NUBPL: variants seen among roughly 807,000 people sequenced by gnomAD.
The protein encoded by NUBPL is NUBP iron-sulfur cluster assembly factor, mitochondrial, also known as iron-sulfur cluster transfer protein NUBPL.
Under a neutral mutation model 45.7 loss-of-function variants are expected in NUBPL, and 31 were observed. The ratio of observed to expected loss-of-function variants is 0.68; its 90% CI spans 0.51 to 0.92. The LOEUF (loss-of-function observed/expected upper bound fraction) is 0.92, where lower values mean the gene tolerates loss of function less well. NUBPL is among the 40% of genes least tolerant of loss of function. The pLI, the probability that NUBPL is intolerant of heterozygous loss-of-function variation, is 0.00. For missense variants in NUBPL, 401 were observed against 398.7 expected (o/e 1.01, Z -0.05); for synonymous variants, 144 against 140.9 (o/e 1.02, Z -0.15).
At position 31,593,108 on chromosome 14, in the gene NUBPL, A is replaced by G. The variant is rs146102282; in HGVS notation, c.292-6181A>G. Among the ~76,000 whole-genome samples the G allele has an allele frequency of 2.2e-3, 329 of 152,332 alleles. 1 individual carries two copies. The highest frequency in any genetic ancestry group is 7.6e-3 in the African/African-American group (314 of 41,570). ...CAAATAAAAATACAGTATAATAACA[A>G]TTTACATAAAATTTATATTATATTT... On this transcript the variant is annotated intron_variant, in intron 3 of 10. Coordinates refer to ENST00000281081, the MANE Select transcript of NUBPL (RefSeq NM_025152.3).
chr14:31,824,191 C>T (rs1394255259), intron 7 of NUBPL, among the ~76,000 whole-genome samples: 2 of 151,956 alleles, frequency 1.3e-5, no homozygotes, highest in Non-Finnish European at 2.9e-5. Context: ...ATCCTGTGAC[C>T]TAAGTATTTT....
chr14:31,849,042 G>C (rs1307862715), intron 9 of NUBPL, among the ~76,000 whole-genome samples: 1 of 152,070 alleles, frequency 6.6e-6, no homozygotes, highest in Non-Finnish European at 1.5e-5. Flanking sequence ...ATCCTTAAAT[G>C]GTTACTAAAA....
chr14:31,564,872 A>G, intron 2 of NUBPL, 142 bp from the exon 3 acceptor site: 1 of 543,596 alleles, frequency 1.8e-6, no homozygotes, highest in Non-Finnish European at 3.3e-6. Flanking sequence ...ATATATGTTC[A>G]AAATTTATAT....
chr14:31,579,461 C>G (rs1490834974), intron 3 of NUBPL, among the ~76,000 whole-genome samples: 15 of 152,162 alleles, frequency 9.9e-5, no homozygotes. Context: ...CTGATGTTGT[C>G]TGTTAGCCCC....
At chr14:31,589,736 G>A (rs377699545) in intron 3 of NUBPL, among the ~76,000 whole-genome samples, 2 of 151,918 alleles carry the variant, frequency 1.3e-5, no homozygotes, top group South Asian at 2.1e-4. Flanking sequence ...CTGCTCCCCC[G>A]TCCAACCCCT....
intron 3 of NUBPL, among the ~76,000 whole-genome samples, chr14:31,572,771 C>T (rs8015282): frequency 0.29 from 44,760 of 151,858 alleles, 7,477 homozygotes; most frequent in South Asian, 0.41. Flanking sequence ...GTATGAACTG[C>T]GTAGAGTGTA....
chr14:31,641,231 T>G (rs2035688190), intron 4 of NUBPL, among the ~76,000 whole-genome samples: 1 of 152,208 alleles, frequency 6.6e-6, no homozygotes, highest in Non-Finnish European at 1.5e-5. Context: ...ATTACAGGCA[T>G]GAGCCACCGC....
chr14:31,708,353 A>AT (rs1442916225), intron 6 of NUBPL, among the ~76,000 whole-genome samples: 2 of 152,158 alleles, frequency 1.3e-5, no homozygotes, highest in Non-Finnish European at 2.9e-5. Flanking sequence ...CTGGGTGGGC[A>AT]TTTTTTGCTT....
chr14:31,755,600 C>T (rs1415045801), intron 6 of NUBPL, among the ~76,000 whole-genome samples: 1 of 151,840 alleles, frequency 6.6e-6, no homozygotes, highest in Admixed American at 6.6e-5. Flanking sequence ...GGATATTAGC[C>T]CTTTGTCAGA....
At chr14:31,760,281 G>A (rs893715048) in intron 6 of NUBPL, among the ~76,000 whole-genome samples, 2 of 151,714 alleles carry the variant, frequency 1.3e-5, no homozygotes, top group Non-Finnish European at 2.9e-5. Flanking sequence ...AGCCTCCTGA[G>A]TAGCTGGGGC....
At chr14:31,564,367 A>G (rs1159542562) in intron 2 of NUBPL, among the ~76,000 whole-genome samples, 3 of 152,242 alleles carry the variant, frequency 2.0e-5, no homozygotes, top group African/African-American at 7.2e-5. Flanking sequence ...AGATACTTGG[A>G]ACTCCTGCAA....
chr14:31,803,336 G>C (rs577475550), intron 7 of NUBPL, among the ~76,000 whole-genome samples: 1 of 152,164 alleles, frequency 6.6e-6, no homozygotes, highest in Admixed American at 6.5e-5. Flanking sequence ...AAATTTGCTA[G>C]AGTAGTTCCT....
intron 4 of NUBPL, 27 bp from the exon 5 acceptor site, chr14:31,673,327 TA>T: frequency 6.4e-7 from 1 of 1,551,066 alleles, no homozygotes; most frequent in Admixed American, 1.8e-5. Context: ...TTTATTGTTC[TA>T]AAAGAGAGGA....
intron 6 of NUBPL, among the ~76,000 whole-genome samples, chr14:31,757,935 G>C (rs183150835): frequency 6.6e-6 from 1 of 151,468 alleles, no homozygotes; most frequent in Non-Finnish European, 1.5e-5. Flanking sequence ...TAACACTTTA[G>C]GGCCCTTGAA....
At position 31,603,909 on chromosome 14, in the gene NUBPL, A is replaced by T. The variant is rs55800565; in HGVS notation, c.382+4530A>T. Reference sequence around the variant, plus strand: ...AAGGAGTAATGAATTTGCATACTTTAAATGATAGATTCATTATGTTTGTCT... The same window carrying T: ...AAGGAGTAATGAATTTGCATACTTTTAATGATAGATTCATTATGTTTGTCT... On this transcript the variant is annotated intron_variant, in intron 4 of 10. Transcript: ENST00000281081. 2.8e-3 allele frequency among the ~76,000 whole-genome samples: 419 copies of T among 152,304 alleles called. 2 individuals carry two copies. The highest frequency in any genetic ancestry group is 9.3e-3 in the African/African-American group (387 of 41,572).
At chr14:31,669,614 C>G (rs1322271388) in intron 4 of NUBPL, among the ~76,000 whole-genome samples, 2 of 152,018 alleles carry the variant, frequency 1.3e-5, no homozygotes, top group Non-Finnish European at 2.9e-5. Context: ...TCTTCCTCCT[C>G]CGATTTTCCC....
intron 3 of NUBPL, among the ~76,000 whole-genome samples, chr14:31,586,084 A>G (rs561348635): frequency 2.0e-5 from 3 of 152,272 alleles, no homozygotes; most frequent in South Asian, 2.1e-4. Flanking sequence ...TTAAACAGCA[A>G]TGGTCATTCC....
intron 6 of NUBPL, among the ~76,000 whole-genome samples, chr14:31,756,395 C>T (rs1396949456): frequency 6.6e-6 from 1 of 152,016 alleles, no homozygotes; most frequent in African/African-American, 2.4e-5. Flanking sequence ...GTTTGTAGTT[C>T]TCCTTGAAGA....
At position 31,780,347 on chromosome 14, in the gene NUBPL, G is replaced by A. The variant is rs538179095; in HGVS notation, c.514-7433G>A. 5.3e-5 allele frequency among the ~76,000 whole-genome samples: 8 copies of A among 152,168 alleles called. No individual in the cohort carries two copies. In the East Asian group the frequency reaches 1.2e-3, roughly 22 times the overall value. The stretch of plus-strand genomic sequence containing the variant: ...GCCTCCCAGAATGCTGGAATTACAG[G>A]CGTGAGCCACTGTGCCCGGCTGAGA... On this transcript the variant is annotated intron_variant, in intron 6 of 10. Transcript: ENST00000281081.
Sources: allele counts gnomAD v4.1 joint callset (sites outside exome capture counted in the v4.1 genomes callset), GRCh38; gene constraint gnomAD v4.1.1; transcripts MANE v1.5; gene names NCBI Gene and HGNC (gene_info 2026-07-23, HGNC 2026-07-21).